The following PDE10A variants were observed in gnomAD, a reference collection of about 807,000 sequenced individuals.
PDE10A encodes cAMP and cAMP-inhibited cGMP 3',5'-cyclic phosphodiesterase 10A.
A neutral mutation model predicts 97.7 loss-of-function variants in PDE10A; 39 were observed. The ratio of observed to expected loss-of-function variants is 0.40; its 90% CI spans 0.31 to 0.52. The LOEUF (loss-of-function observed/expected upper bound fraction) is 0.52. Ranked by LOEUF, PDE10A falls within the 20% of genes least tolerant of loss-of-function variation. The pLI is 0.56. For synonymous variants in PDE10A, 371 were observed against 376.8 expected, an observed-to-expected ratio of 0.98 and a Z score of 0.18; for missense variants, 731 against 1,047.8, an observed-to-expected ratio of 0.70 and a Z score of 4.17.
chr6:165,637,109 T>C (rs1788914207), intron 1 of PDE10A, among the ~76,000 whole-genome samples: 1 of 152,170 alleles, frequency 6.6e-6, no homozygotes, highest in Non-Finnish European at 1.5e-5. Context: ...TTTCATCCCA[T>C]GTTATAAATG....
At position 165,483,408 on chromosome 6, in the gene PDE10A, G is replaced by A. The variant is rs368572114; in HGVS notation, c.995-1065C>T. On this transcript the variant is annotated intron_variant, in intron 2 of 21. Coordinates refer to ENST00000539869, the MANE Select transcript of PDE10A (RefSeq NM_001385079.1). ...CATTGTTGCATAATGGTTAGAGTAC[G>A]GCCTCTGACTTCCCTAAGAATGTAA... Among the ~76,000 whole-genome samples the A allele has an allele frequency of 7.2e-5, 11 of 152,134 alleles. No individual in the cohort carries two copies. In the East Asian group the frequency reaches 9.7e-4, roughly 13 times the overall value.
At chr6:165,740,786 T>A (rs755796061) in intron 1 of PDE10A, among the ~76,000 whole-genome samples, 7 of 152,160 alleles carry the variant, frequency 4.6e-5, no homozygotes, top group African/African-American at 7.2e-5. Context: ...TCTTAAAAAG[T>A]CAATCTCATA....
chr6:165,937,035 C>T (rs183033258), intron 1 of PDE10A, among the ~76,000 whole-genome samples: 46 of 152,320 alleles, frequency 3.0e-4, no homozygotes, highest in South Asian at 1.0e-3. Context: ...TGCGCTGAGA[C>T]GAAGTTCTTC....
At chr6:165,588,051 T>G (rs1004984337) in intron 1 of PDE10A, among the ~76,000 whole-genome samples, 1 of 152,206 alleles carries the variant, frequency 6.6e-6, no homozygotes, top group African/African-American at 2.4e-5. Context: ...TTCTTTATCA[T>G]CAATAAGAAA....
intron 18 of PDE10A, among the ~76,000 whole-genome samples, chr6:165,374,749 T>G (rs1784501530): frequency 8.2e-6 from 1 of 121,956 alleles, no homozygotes; most frequent in African/African-American, 3.8e-5. Flanking sequence ...AAATACCATG[T>G]TTTTGGTTTT....
intron 1 of PDE10A, among the ~76,000 whole-genome samples, chr6:165,923,106 G>T (rs1344712742): frequency 1.3e-5 from 2 of 152,234 alleles, no homozygotes; most frequent in African/African-American, 2.4e-5. Flanking sequence ...CTTTGCTAAA[G>T]CTTGGTGAGA....
At chr6:165,683,938 C>T (rs978880468) in intron 1 of PDE10A, among the ~76,000 whole-genome samples, 5 of 152,190 alleles carry the variant, frequency 3.3e-5, no homozygotes, top group African/African-American at 1.2e-4. Flanking sequence ...CTGGCTATTC[C>T]TCAGATATAC....
intron 1 of PDE10A, among the ~76,000 whole-genome samples, chr6:165,591,139 C>T (rs772404408): frequency 1.4e-4 from 21 of 151,990 alleles, no homozygotes; most frequent in Admixed American, 3.9e-4. Context: ...GCATGAAAGA[C>T]AGGAAATCAA....
At chr6:165,450,987 AAAT>A (rs1791247512) in intron 3 of PDE10A, among the ~76,000 whole-genome samples, 1 of 152,194 alleles carries the variant, frequency 6.6e-6, no homozygotes. Flanking sequence ...TGATTAGTAA[AAAT>A]AATATCATAC....
chr6:165,392,845 T>C (rs200772104), intron 15 of PDE10A, 49 bp from the exon 16 acceptor site: 1,575 of 1,566,070 alleles, frequency 1.0e-3, no homozygotes, highest in Non-Finnish European at 1.2e-3. Flanking sequence ...AGAATCACTA[T>C]GTTGTAGGAG....
chr6:165,663,685 C>T (rs1317492571), upstream of PDE10A, among the ~76,000 whole-genome samples: 1 of 152,208 alleles, frequency 6.6e-6, no homozygotes, highest in African/African-American at 2.4e-5. Context: ...CCAGGACTCC[C>T]TTTCGCATAC....
At chr6:165,504,274 C>A (rs1781065669) in intron 2 of PDE10A, among the ~76,000 whole-genome samples, 1 of 152,040 alleles carries the variant, frequency 6.6e-6, no homozygotes, top group Non-Finnish European at 1.5e-5. Flanking sequence ...AATTAGAGCT[C>A]AGCATTATGA....
At position 165,543,425 on chromosome 6, in the gene PDE10A, C is replaced by A; in HGVS notation, c.994+15G>T. ...GAAAAAGCTGGTTTAAAATGAGATCCACAAGAGACCTTACCTTCTGATTTG... is the reference window on the plus strand; with the variant it reads ...GAAAAAGCTGGTTTAAAATGAGATCAACAAGAGACCTTACCTTCTGATTTG... On this transcript the variant is annotated intron_variant, in intron 2 of 21. Coordinates refer to ENST00000539869, the MANE Select transcript of PDE10A (RefSeq NM_001385079.1). The A allele has an allele frequency of 6.2e-7, 1 of 1,603,812 alleles. No homozygotes were observed. The highest frequency in any genetic ancestry group is 1.1e-5 in the South Asian group (1 of 89,052).
chr6:165,367,797 A>AT (rs954317281), intron 18 of PDE10A, among the ~76,000 whole-genome samples: 16 of 114,312 alleles, frequency 1.4e-4, no homozygotes, highest in African/African-American at 5.4e-4. Context: ...CCATTCTTAG[A>AT]TTAAAAAAAA....
chr6:165,395,556 T>C (rs991383764), intron 14 of PDE10A, among the ~76,000 whole-genome samples: 1 of 152,144 alleles, frequency 6.6e-6, no homozygotes, highest in Non-Finnish European at 1.5e-5. Flanking sequence ...AAAGGTATAT[T>C]ACAAATATTA....
intron 3 of PDE10A, among the ~76,000 whole-genome samples, chr6:165,455,231 G>T (rs1027406688): frequency 6.6e-6 from 1 of 152,146 alleles, no homozygotes; most frequent in African/African-American, 2.4e-5. Flanking sequence ...AAACTCCACT[G>T]AGGAGTACCA....
intron 1 of PDE10A, among the ~76,000 whole-genome samples, chr6:165,738,019 T>TTTTTTTTA (rs1792623821): frequency 1.2e-5 from 1 of 82,342 alleles, no homozygotes; most frequent in Non-Finnish European, 2.5e-5. Context: ...ATTTTATTTT[T>TTTTTTTTA]TTATTATTAT....
chr6:165,469,230 T>C (rs1778845512), intron 3 of PDE10A, among the ~76,000 whole-genome samples: 1 of 152,178 alleles, frequency 6.6e-6, no homozygotes, highest in African/African-American at 2.4e-5. Context: ...GTTAAGATTA[T>C]GGGTTTTGCC....
chr6:165,847,567 G>A (rs997534437), intron 1 of PDE10A, among the ~76,000 whole-genome samples: 14 of 152,256 alleles, frequency 9.2e-5, no homozygotes, highest in African/African-American at 3.4e-4. Flanking sequence ...TCGGCCACGG[G>A]GCCATCATCT....
Sources: gnomAD v4.1 joint callset for allele counts (sites outside exome capture counted in the v4.1 genomes callset) on GRCh38, gnomAD v4.1.1 for gene constraint, MANE v1.5 for transcripts, NCBI Gene and HGNC (gene_info 2026-07-23, HGNC 2026-07-21) for gene names.